GRM1: variants seen among roughly 807,000 people sequenced by gnomAD.
The protein encoded by GRM1 is glutamate metabotropic receptor 1, also known as metabotropic glutamate receptor 1.
In GRM1, 33 loss-of-function variants were observed where a neutral mutation model predicts 90.9. That is an observed-to-expected ratio of 0.36 (90% CI 0.28 to 0.49). The LOEUF is 0.49. Ranked by LOEUF, GRM1 falls within the 20% of genes least tolerant of loss-of-function variation. GRM1 has a pLI of 0.99. For synonymous variants in GRM1, 700 were observed against 613.2 expected, an observed-to-expected ratio of 1.14 and a Z score of -2.09; for missense variants, 1,190 against 1,534.3, an observed-to-expected ratio of 0.78 and a Z score of 3.75.
intron 5 of GRM1, among the ~76,000 whole-genome samples, chr6:146,384,941 G>T (rs552724729): frequency 6.6e-6 from 1 of 151,950 alleles, no homozygotes; most frequent in African/African-American, 2.4e-5. Context: ...TAGGAAACAG[G>T]CAAATGAGGC....
chr6:146,262,719 A>G (rs1370640199), intron 2 of GRM1, among the ~76,000 whole-genome samples: 1 of 151,964 alleles, frequency 6.6e-6, no homozygotes, highest in African/African-American at 2.4e-5. Context: ...TGATGTAACA[A>G]ATATGAAACA....
chr6:146,423,714 C>T (rs1226165441), intron 7 of GRM1, among the ~76,000 whole-genome samples: 1 of 152,114 alleles, frequency 6.6e-6, no homozygotes, highest in Non-Finnish European at 1.5e-5. Context: ...TGGGACTCTG[C>T]TAAGGTCAGT....
chr6:146,119,621 G>C (rs1457057322), intron 1 of GRM1, among the ~76,000 whole-genome samples: 1 of 152,136 alleles, frequency 6.6e-6, no homozygotes, highest in Non-Finnish European at 1.5e-5. Context: ...TTTTGTCTAA[G>C]GTGTAAGGAA....
chr6:146,334,610 A>G (rs970516482), intron 3 of GRM1, among the ~76,000 whole-genome samples: 1 of 152,316 alleles, frequency 6.6e-6, no homozygotes, highest in African/African-American at 2.4e-5. Context: ...TGAAAGTTGC[A>G]TTGGTCAGTA....
At chr6:146,065,542 A>C (rs1437163178) in intron 1 of GRM1, among the ~76,000 whole-genome samples, 1 of 152,230 alleles carries the variant, frequency 6.6e-6, no homozygotes, top group Non-Finnish European at 1.5e-5. Flanking sequence ...ATATTGTTAC[A>C]GAGTTTGCCA....
rs552934123 is a variant in GRM1, at chr6:146,072,858, C to T, written c.700+42641C>T. Among the ~76,000 whole-genome samples, 9 of 152,146 alleles carry T rather than the reference C, an allele frequency of 5.9e-5. No homozygotes were observed. The East Asian group carries it at 7.7e-4, about 13-fold the overall frequency. Reference sequence around the variant, plus strand: ...AAACATTCATTAAGTTTTCTTGATGCGCTGTGCTATATGCTAGGTGCCTGG... The same window carrying T: ...AAACATTCATTAAGTTTTCTTGATGTGCTGTGCTATATGCTAGGTGCCTGG... On this transcript the variant is annotated intron_variant, in intron 1 of 7. Coordinates refer to ENST00000282753, the MANE Select transcript of GRM1 (RefSeq NM_001278064.2).
At position 146,148,303 on chromosome 6, in the gene GRM1, A is replaced by G. The variant is rs116779119; in HGVS notation, c.701-11045A>G. The stretch of plus-strand genomic sequence containing the variant: ...AAAATATTAAAAATATAAAAACACA[A>G]TTACATATAATTCTATCGTCTAAAT... On this transcript the variant is annotated intron_variant, in intron 1 of 7. Transcript: ENST00000282753. Among the ~76,000 whole-genome samples the G allele has an allele frequency of 5.6e-3, 856 of 152,260 alleles. 4 individuals carry two copies. The highest frequency in any genetic ancestry group is 0.02 in the African/African-American group (828 of 41,578).
intron 2 of GRM1, among the ~76,000 whole-genome samples, chr6:146,267,423 C>G (rs1268960521): frequency 6.6e-6 from 1 of 152,038 alleles, no homozygotes; most frequent in African/African-American, 2.4e-5. Context: ...TCAGGGTTCT[C>G]TTAGAGGGTC....
At chr6:146,259,886 G>A (rs1258269397) in intron 2 of GRM1, among the ~76,000 whole-genome samples, 1 of 150,706 alleles carries the variant, frequency 6.6e-6, no homozygotes, top group Non-Finnish European at 1.5e-5. Context: ...CTTCACAGGA[G>A]CTGTATCATT....
Position 146,434,086 on chromosome 6 carries a change from G to A in GRM1, c.2875G>A (p.Glu959Lys). The A allele has an allele frequency of 1.2e-6, 2 of 1,614,198 alleles. No homozygotes were observed. Among genetic ancestry groups the A allele is most frequent in the Middle Eastern group, 1.7e-4 (1 of 6,060 alleles). The change falls in exon 8 of 8, where the codon GAG becomes AAG. Residue 959 changes from glutamate (E) to lysine (K), a missense_variant. Coordinates refer to ENST00000282753, the MANE Select transcript of GRM1 (RefSeq NM_001278064.2). ...CACCAAGACCCTTTACAACGTAGAG[G>A]AGGAGGAGGATGCCCAGCCGATTCG... ...TSTKTLYNVE[E>K]EEDAQPIRFS...
At chr6:146,335,900 T>G (rs943136000) in intron 3 of GRM1, among the ~76,000 whole-genome samples, 2 of 152,108 alleles carry the variant, frequency 1.3e-5, no homozygotes, top group African/African-American at 2.4e-5. Context: ...TCCCATATTG[T>G]TCTGGTGATA....
intron 7 of GRM1, among the ~76,000 whole-genome samples, chr6:146,420,660 C>A (rs1483021015): frequency 5.3e-5 from 8 of 152,114 alleles, no homozygotes; most frequent in South Asian, 2.1e-4. Context: ...GGGAAACAGA[C>A]AATAGAAGCA....
At chr6:146,158,602 A>G (rs761374194) in intron 1 of GRM1, among the ~76,000 whole-genome samples, 113 of 152,332 alleles carry the variant, frequency 7.4e-4, no homozygotes, top group Non-Finnish European at 1.5e-3. Context: ...GGAGAGGAAT[A>G]GAGACACAGA....
chr6:146,347,681 T>G (rs987844593), intron 3 of GRM1, among the ~76,000 whole-genome samples: 1 of 152,204 alleles, frequency 6.6e-6, no homozygotes, highest in African/African-American at 2.4e-5. Context: ...ATGAACACTT[T>G]CTTCTAGAAA....
chr6:146,196,463 AT>A (rs772811053), intron 2 of GRM1, among the ~76,000 whole-genome samples: 2,888 of 85,956 alleles, frequency 0.034, 44 homozygotes, highest in Middle Eastern at 0.048. Context: ...AATTTTTTGT[AT>A]TTTTTTTTTT....
At chr6:146,191,381 T>C (rs1778931056) in intron 2 of GRM1, among the ~76,000 whole-genome samples, 1 of 152,214 alleles carries the variant, frequency 6.6e-6, no homozygotes, top group South Asian at 2.1e-4. Flanking sequence ...GTGCTATTAG[T>C]GAGTGAGGTG....
At chr6:146,150,194 C>G (rs971097674) in intron 1 of GRM1, among the ~76,000 whole-genome samples, 1 of 152,082 alleles carries the variant, frequency 6.6e-6, no homozygotes, top group Non-Finnish European at 1.5e-5. Flanking sequence ...ACAACCTCCC[C>G]TCTCCCCAAA....
rs769855804 is a variant in GRM1 at position 146,029,627 on chromosome 6, C to T, written c.110C>T (p.Ser37Leu). The change falls in exon 1 of 8, where the codon TCG (serine) becomes TTG (leucine). Residue 37 changes from serine to leucine, a missense_variant. Ser to Leu is a moderately radical substitution (Grantham distance 145). Around this residue, in one of 10 missense-constraint regions of GRM1, gnomAD observed 25 missense variants for 65.9 expected, o/e 0.38. Transcript: ENST00000282753. ...VLLAGASSQRSVARMDGDVII... is the reference protein window; with the variant it reads ...VLLAGASSQRLVARMDGDVII... Reference sequence around the variant, plus strand: ...CTGGCAGGAGCGTCGTCTCAGCGCTCGGTGGCCAGAATGGACGGAGATGTC... The same window carrying T: ...CTGGCAGGAGCGTCGTCTCAGCGCTTGGTGGCCAGAATGGACGGAGATGTC... 3.7e-6 allele frequency: 6 copies of T among 1,614,062 alleles called. No homozygotes were observed. Among genetic ancestry groups the T allele is most frequent in the South Asian group, 3.3e-5 (3 of 91,066 alleles).
chr6:146,099,409 C>T (rs1254009272), intron 1 of GRM1, among the ~76,000 whole-genome samples: 4 of 152,094 alleles, frequency 2.6e-5, no homozygotes, highest in Non-Finnish European at 5.9e-5. Flanking sequence ...GTTAAAACTA[C>T]CCAGACCAAA....
Sources: allele counts gnomAD v4.1 joint callset (sites outside exome capture counted in the v4.1 genomes callset), GRCh38; gene constraint gnomAD v4.1.1; regional missense constraint gnomAD v4.1.1; transcripts MANE v1.5; gene names NCBI Gene and HGNC (gene_info 2026-07-23, HGNC 2026-07-21).